The following TSPEAR variants were observed in gnomAD, a reference collection of about 807,000 sequenced individuals.
TSPEAR encodes the protein thrombospondin-type laminin G domain and EAR repeat-containing protein.
Under a neutral mutation model 71.6 loss-of-function variants are expected in TSPEAR, and 69 were observed. The ratio of observed to expected loss-of-function variants is 0.96; its 90% confidence interval spans 0.79 to 1.18. The LOEUF (loss-of-function observed/expected upper bound fraction) is 1.18. TSPEAR is among the 50% of genes most tolerant of loss of function. The probability of loss-of-function intolerance (pLI) is 0.00; values close to 1 mark genes in which losing one functional copy is unlikely to be tolerated. For missense variants in TSPEAR, 971 were observed against 894.9 expected (o/e 1.09, Z -1.09); for synonymous variants, 402 against 387.2 (o/e 1.04, Z -0.45).
chr21:44,514,281 C>G (rs1281822572), intron 9 of TSPEAR, among the ~76,000 whole-genome samples: 1 of 152,220 alleles, frequency 6.6e-6, no homozygotes, highest in Non-Finnish European at 1.5e-5. Context: ...CACATGGCTG[C>G]CTGCCGGGCA....
intron 1 of TSPEAR, among the ~76,000 whole-genome samples, chr21:44,651,177 G>C (rs1441920718): frequency 6.6e-6 from 1 of 152,166 alleles, no homozygotes; most frequent in East Asian, 1.9e-4. Context: ...TGAGGCCGAA[G>C]CCCTGGCAAG....
chr21:44,544,254 G>A (rs1223638456), intron 2 of TSPEAR, among the ~76,000 whole-genome samples: 1 of 152,034 alleles, frequency 6.6e-6, no homozygotes, highest in East Asian at 1.9e-4. Flanking sequence ...AAACACTGTG[G>A]GATTCTGTAG....
In TSPEAR at chr21:44,520,893, C is replaced by T. The variant is rs1406276173; in HGVS notation, c.1566+990G>A. On this transcript the variant is annotated intron_variant, in intron 9 of 11. Coordinates refer to ENST00000323084, the MANE Select transcript of TSPEAR (RefSeq NM_144991.3). This position sits in a 1 kb window ranked among gnomAD's most constrained non-coding sequence, Gnocchi z 4.2. ...AGGCCTGACTGTTGTCACTGTTTTT[C>T]CAGACTCCCTGATGGGGGCGGGGGG... The T allele has an allele frequency of 1.3e-5, 2 of 152,324 alleles. No individual in the cohort carries two copies. The highest frequency in any genetic ancestry group is 2.9e-5 in the Non-Finnish European group (2 of 68,124). 9.4% of individuals were successfully genotyped at this position (152,324 alleles called of 1,614,324 possible).
At chr21:44,683,530 A>G (rs1403854056) in intron 1 of TSPEAR, among the ~76,000 whole-genome samples, 1 of 152,122 alleles carries the variant, frequency 6.6e-6, no homozygotes, top group African/African-American at 2.4e-5. Flanking sequence ...TTAGCCAGAC[A>G]TGGTGGTGCA....
At chr21:44,539,507 C>T (rs370083980) in intron 2 of TSPEAR, 7 of 1,613,508 alleles carry the variant, frequency 4.3e-6, no homozygotes, top group Non-Finnish European at 5.9e-6. Flanking sequence ...CGGCTGGCAG[C>T]TAGACTGCTG....
At chr21:44,587,969 G>T (rs1979450007) in intron 1 of TSPEAR, among the ~76,000 whole-genome samples, 1 of 152,180 alleles carries the variant, frequency 6.6e-6, no homozygotes, top group Non-Finnish European at 1.5e-5. Context: ...CTTAGGCAAG[G>T]ATTTCATGAC....
At chr21:44,605,996 A>G (rs1221530393) in intron 1 of TSPEAR, among the ~76,000 whole-genome samples, 2 of 152,156 alleles carry the variant, frequency 1.3e-5, no homozygotes, top group African/African-American at 2.4e-5. Flanking sequence ...GAGACAATCA[A>G]CAGGATGAAG....
rs1296145901 is a variant in TSPEAR, at chr21:44,554,973, A to G, written c.303+12812T>C. 3.3e-5 allele frequency among the ~76,000 whole-genome samples: 5 copies of G among 152,266 alleles called. No homozygotes were observed. In the East Asian group the frequency reaches 5.8e-4, roughly 18 times the overall value. ...TTCTCGAATTGCGGTTCCATTCCTC[A>G]CTTTAATAGTTAAAAAATAAGCATA... On this transcript the variant is annotated intron_variant, in intron 2 of 11. Transcript: ENST00000323084.
chr21:44,638,214 T>C (rs1488052806), intron 1 of TSPEAR: 4 of 1,570,196 alleles, frequency 2.5e-6, no homozygotes, highest in Non-Finnish European at 3.5e-6. Context: ...CACCAGGGGC[T>C]GACCTCCCAG....
intron 10 of TSPEAR, among the ~76,000 whole-genome samples, chr21:44,507,712 C>T (rs2052235861): frequency 6.6e-6 from 1 of 152,236 alleles, no homozygotes; most frequent in African/African-American, 2.4e-5. Flanking sequence ...AATTTTTAAT[C>T]ACAATTCATT....
intron 1 of TSPEAR, among the ~76,000 whole-genome samples, chr21:44,685,573 G>A (rs1255828082): frequency 7.9e-5 from 12 of 152,140 alleles, no homozygotes; most frequent in East Asian, 1.9e-4. Context: ...AGTGCTACTC[G>A]TGGGAAGTGG....
At chr21:44,610,244 A>G (rs1981571668) in intron 1 of TSPEAR, among the ~76,000 whole-genome samples, 1 of 152,226 alleles carries the variant, frequency 6.6e-6, no homozygotes, top group African/African-American at 2.4e-5. Context: ...GACCATGGGG[A>G]AAATATCTCC....
At chr21:44,631,219 G>C (rs1473585669) in intron 1 of TSPEAR, among the ~76,000 whole-genome samples, 5 of 152,012 alleles carry the variant, frequency 3.3e-5, no homozygotes, top group Admixed American at 2.0e-4. Flanking sequence ...GAGAAACTAA[G>C]AAAACAACAT....
At chr21:44,536,175 G>A (rs1294971887) in intron 2 of TSPEAR, among the ~76,000 whole-genome samples, 1 of 152,230 alleles carries the variant, frequency 6.6e-6, no homozygotes, top group Admixed American at 6.5e-5. Context: ...TGCAGTGGCT[G>A]TTCACACTCT....
chr21:44,681,556 G>A (rs1366082152), intron 1 of TSPEAR: 34 of 454,978 alleles, frequency 7.5e-5, no homozygotes, highest in Non-Finnish European at 1.0e-4. Context: ...AAATAAAAAA[G>A]AGAGACAAGA....
chr21:44,558,789 G>T, intron 2 of TSPEAR: 2 of 1,531,522 alleles, frequency 1.3e-6, no homozygotes, highest in Non-Finnish European at 1.8e-6. Flanking sequence ...GAGTGAGTGA[G>T]TGATCGTGCC....
chr21:44,596,279 G>A (rs1211088), intron 1 of TSPEAR, among the ~76,000 whole-genome samples: 17,617 of 152,210 alleles, frequency 0.12, 1,582 homozygotes, highest in African/African-American at 0.24. Context: ...GAGTCCTCCC[G>A]AGACGAGCAT....
In TSPEAR at chr21:44,612,632, C is replaced by T. The variant is rs782578741; in HGVS notation, c.83-44627G>A. The T allele has an allele frequency of 6.2e-7, 1 of 1,613,812 alleles. No individual in the cohort carries two copies. The highest frequency in any genetic ancestry group is 8.5e-7 in the Non-Finnish European group (1 of 1,179,936). Reference sequence around the variant, plus strand: ...CTGCTGCAAGCCCATCTGCTGTGTGCCTGTCTGCTCTGGGGCTTCCTCTCT... The same window carrying T: ...CTGCTGCAAGCCCATCTGCTGTGTGTCTGTCTGCTCTGGGGCTTCCTCTCT... On this transcript the variant is annotated intron_variant, in intron 1 of 11. Transcript: ENST00000323084. This position sits in a 1 kb window ranked among gnomAD's most constrained non-coding sequence, Gnocchi z 4.1.
At chr21:44,518,274 T>C in intron 9 of TSPEAR, 2 of 467,690 alleles carry the variant, frequency 4.3e-6, no homozygotes, top group Non-Finnish European at 8.8e-6. Flanking sequence ...AGGATTTTTG[T>C]CAAACATCCG....
Sources: gnomAD v4.1 joint callset for allele counts (sites outside exome capture counted in the v4.1 genomes callset) on GRCh38, gnomAD v4.1.1 for gene constraint, Gnocchi (gnomAD v3.1) non-coding constraint, MANE v1.5 for transcripts, NCBI Gene and HGNC (gene_info 2026-07-23, HGNC 2026-07-21) for gene names.